The following SPIN1 variants were observed in gnomAD, a reference collection of about 807,000 sequenced individuals.
SPIN1 encodes spindlin 1.
A neutral mutation model predicts 26.0 loss-of-function variants in SPIN1; 3 were observed. The ratio of observed to expected loss-of-function variants is 0.12; its 90% CI spans 0.05 to 0.30. The LOEUF (loss-of-function observed/expected upper bound fraction) is 0.30. Ranked by LOEUF, SPIN1 falls within the 10% of genes least tolerant of loss-of-function variation. The probability of loss-of-function intolerance (pLI) is 1.00; values close to 1 mark genes in which losing one functional copy is unlikely to be tolerated. For synonymous variants in SPIN1, 101 were observed against 116.5 expected, an observed-to-expected ratio of 0.87 and a Z score of 0.86; for missense variants, 126 against 333.4, an observed-to-expected ratio of 0.38 and a Z score of 4.84.
intron 3 of SPIN1, among the ~76,000 whole-genome samples, chr9:88,455,143 A>G (rs1410061590): frequency 2.0e-5 from 3 of 152,226 alleles, no homozygotes; most frequent in Non-Finnish European, 4.4e-5. Flanking sequence ...GAATTAGTAT[A>G]CGCATTGCAT....
At chr9:88,443,655 G>A (rs1161340966) in intron 2 of SPIN1, among the ~76,000 whole-genome samples, 1 of 152,194 alleles carries the variant, frequency 6.6e-6, no homozygotes, top group Non-Finnish European at 1.5e-5. Flanking sequence ...TGATGTCTGG[G>A]TAACAGGAGC....
chr9:88,435,314 C>G (rs1162141184), intron 2 of SPIN1, among the ~76,000 whole-genome samples: 5 of 151,924 alleles, frequency 3.3e-5, no homozygotes, highest in African/African-American at 9.7e-5. Context: ...CTCCTGGACT[C>G]AAGCGAATCT....
intron 1 of SPIN1, among the ~76,000 whole-genome samples, chr9:88,396,655 G>C (rs1827066413): frequency 6.6e-6 from 1 of 152,026 alleles, no homozygotes; most frequent in Non-Finnish European, 1.5e-5. Context: ...AAGGACAAAA[G>C]TTTATAATGT....
intron 1 of SPIN1, chr9:88,411,055 G>C: frequency 6.3e-7 from 1 of 1,584,570 alleles, no homozygotes; most frequent in Non-Finnish European, 8.6e-7. Context: ...GGTCAGTCAT[G>C]ATTTCAATCA....
At chr9:88,412,627 TTA>T (rs1827473550) in intron 1 of SPIN1, among the ~76,000 whole-genome samples, 1 of 152,150 alleles carries the variant, frequency 6.6e-6, no homozygotes, top group Non-Finnish European at 1.5e-5. Context: ...CCAATTATAT[TTA>T]AGTTATACAA....
intron 2 of SPIN1, among the ~76,000 whole-genome samples, chr9:88,443,080 A>G (rs945630818): frequency 9.5e-5 from 14 of 147,588 alleles, no homozygotes; most frequent in Admixed American, 2.0e-4. Context: ...AGATGGCACC[A>G]CTGCCCTCCA....
chr9:88,420,140 C>T (rs1242895189), intron 1 of SPIN1, among the ~76,000 whole-genome samples: 1 of 152,220 alleles, frequency 6.6e-6, no homozygotes, highest in Non-Finnish European at 1.5e-5. Context: ...CTTTGGGAGG[C>T]CGAGGCGGGT....
chr9:88,430,299 A>G (rs1006326336), intron 2 of SPIN1, among the ~76,000 whole-genome samples: 10 of 152,170 alleles, frequency 6.6e-5, no homozygotes, highest in Non-Finnish European at 1.3e-4. Flanking sequence ...CCTCCTGGGC[A>G]TCTCTTTTCT....
chr9:88,462,776 T>C lies in SPIN1; in HGVS notation c.355+27T>C, dbSNP rs764614522. ...TAAGTTCTTTTTATAATTTGTGCAT[T>C]ATATACTTTAAAAATGATATTGAAC... On this transcript the variant is annotated intron_variant, in intron 4 of 5. Coordinates refer to ENST00000375859, the MANE Select transcript of SPIN1 (RefSeq NM_006717.3). 2.6e-6 allele frequency: 4 copies of C among 1,562,474 alleles called. No homozygotes were observed. In the South Asian group the frequency reaches 4.8e-5, roughly 19 times the overall value.
chr9:88,449,327 C>G (rs1354890039), intron 3 of SPIN1, among the ~76,000 whole-genome samples: 2 of 152,062 alleles, frequency 1.3e-5, no homozygotes, highest in Non-Finnish European at 2.9e-5. Flanking sequence ...TGCAGGCTTC[C>G]TCTCCTGGTC....
intron 1 of SPIN1, among the ~76,000 whole-genome samples, chr9:88,407,014 C>T (rs2117938576): frequency 6.6e-6 from 1 of 152,010 alleles, no homozygotes; most frequent in Non-Finnish European, 1.5e-5. Flanking sequence ...CTAACTAGAT[C>T]CTCCATCTTG....
intron 2 of SPIN1, among the ~76,000 whole-genome samples, chr9:88,435,207 CT>C (rs368816684): frequency 1.0e-3 from 153 of 146,928 alleles, no homozygotes; most frequent in African/African-American, 2.9e-3. Flanking sequence ...ATTTTGCATT[CT>C]TTTTTTTTTT....
chr9:88,443,870 C>G (rs1431925569), intron 2 of SPIN1, among the ~76,000 whole-genome samples: 5 of 152,128 alleles, frequency 3.3e-5, no homozygotes, highest in Admixed American at 3.3e-4. Context: ...AGGAAAAATT[C>G]AGGAAATTGT....
intron 4 of SPIN1, among the ~76,000 whole-genome samples, chr9:88,465,471 TTTGTCATAGTGGTCATCCTGA>T (rs1828648151): frequency 1.3e-5 from 2 of 152,186 alleles, no homozygotes; most frequent in African/African-American, 4.8e-5. Context: ...ATTTACTGTT[TTTGTCATAGTGGTCATCCTGA>T]TGGGTGTGAT....
chr9:88,431,218 A>G (rs1827863295), intron 2 of SPIN1, among the ~76,000 whole-genome samples: 1 of 150,316 alleles, frequency 6.7e-6, no homozygotes, highest in African/African-American at 2.4e-5. Context: ...TATTGATGGT[A>G]CAAGGAATGT....
At chr9:88,410,805 G>T (rs1827426856) in intron 1 of SPIN1, 2 of 985,630 alleles carry the variant, frequency 2.0e-6, no homozygotes, top group Middle Eastern at 3.1e-4. Context: ...GACCACTGAA[G>T]TTTCCTCCAC....
chr9:88,464,764 A>AT (rs1554697745), intron 4 of SPIN1, among the ~76,000 whole-genome samples: 1 of 152,172 alleles, frequency 6.6e-6, no homozygotes, highest in Non-Finnish European at 1.5e-5. Context: ...TTGTAAAAAA[A>AT]CATAGCATAA....
chr9:88,461,147 C>T (rs972658309), intron 3 of SPIN1, among the ~76,000 whole-genome samples: 6 of 152,170 alleles, frequency 3.9e-5, no homozygotes, highest in African/African-American at 4.8e-5. Flanking sequence ...TGAGACCTGC[C>T]GCCCTCATTT....
chr9:88,453,351 T>C (rs1157713763), intron 3 of SPIN1, among the ~76,000 whole-genome samples: 5 of 152,176 alleles, frequency 3.3e-5, no homozygotes, highest in Non-Finnish European at 7.3e-5. Context: ...GTATGGTTCA[T>C]GGATTGGCTG....
Sources: gnomAD v4.1 joint callset for allele counts (sites outside exome capture counted in the v4.1 genomes callset) on GRCh38, gnomAD v4.1.1 for gene constraint, MANE v1.5 for transcripts, NCBI Gene and HGNC (gene_info 2026-07-23, HGNC 2026-07-21) for gene names.